RABGAP1L: variants seen among roughly 807,000 people sequenced by gnomAD.
RABGAP1L encodes RAB GTPase activating protein 1 like.
Under a neutral mutation model 137.7 loss-of-function variants are expected in RABGAP1L, and 63 were observed. That is an observed-to-expected ratio of 0.46 (90% CI 0.37 to 0.56). The LOEUF is 0.56. Ranked by LOEUF, RABGAP1L falls within the 20% of genes least tolerant of loss-of-function variation. RABGAP1L has a pLI of 0.00. For missense variants in RABGAP1L, 1,095 were observed against 1,244.0 expected (o/e 0.88, Z 1.80); for synonymous variants, 431 against 433.7 (o/e 0.99, Z 0.08).
Position 174,472,263 on chromosome 1 carries a change from G to C in RABGAP1L, c.1710+78118G>C, listed in dbSNP as rs563024397. 1.1e-4 allele frequency among the ~76,000 whole-genome samples: 16 copies of C among 152,320 alleles called. No individual in the cohort carries two copies. In the South Asian group the frequency reaches 3.3e-3, roughly 32 times the overall value. On this transcript the variant is annotated intron_variant, in intron 13 of 25. Coordinates refer to ENST00000681986, the MANE Select transcript of RABGAP1L (RefSeq NM_001366446.1). ...TGGTAAGGAGTGTGGCATCAGGAAA[G>C]ACAGCAATGAGACAGGTATGGTGGG...
chr1:174,471,574 A>G (rs188806960), intron 13 of RABGAP1L, among the ~76,000 whole-genome samples: 3 of 152,318 alleles, frequency 2.0e-5, no homozygotes, highest in Admixed American at 6.5e-5. Flanking sequence ...AAATAGCTCT[A>G]ATTTTTTCAC....
chr1:174,709,956 A>G (rs1052683827), intron 17 of RABGAP1L, among the ~76,000 whole-genome samples: 4 of 152,254 alleles, frequency 2.6e-5, no homozygotes, highest in Non-Finnish European at 4.4e-5. Flanking sequence ...TAACTAGTTT[A>G]GAGAAGAACA....
chr1:174,571,235 A>G (rs1412206222), intron 13 of RABGAP1L, among the ~76,000 whole-genome samples: 2 of 152,116 alleles, frequency 1.3e-5, no homozygotes, highest in Admixed American at 6.6e-5. Context: ...TTGAACTCAT[A>G]GAGAGAGAAT....
intron 11 of RABGAP1L, among the ~76,000 whole-genome samples, chr1:174,345,345 A>T (rs1558149737): frequency 6.6e-6 from 1 of 152,188 alleles, no homozygotes; most frequent in Non-Finnish European, 1.5e-5. Flanking sequence ...GTATTTTAAA[A>T]GGGATTACAT....
intron 14 of RABGAP1L, among the ~76,000 whole-genome samples, chr1:174,656,137 A>T (rs1675952458): frequency 6.6e-6 from 1 of 152,172 alleles, no homozygotes; most frequent in Admixed American, 6.5e-5. Flanking sequence ...TTAATACATA[A>T]TTCACATAAC....
intron 19 of RABGAP1L, among the ~76,000 whole-genome samples, chr1:174,870,831 A>G (rs1452843006): frequency 1.3e-5 from 2 of 149,490 alleles, no homozygotes; most frequent in South Asian, 4.2e-4. Flanking sequence ...TCCACCTTCC[A>G]GGCTCACGCC....
intron 23 of RABGAP1L, among the ~76,000 whole-genome samples, chr1:174,981,094 A>G (rs1344314880): frequency 6.6e-6 from 1 of 152,162 alleles, no homozygotes; most frequent in Non-Finnish European, 1.5e-5. Context: ...TGGCCACCAA[A>G]TGCAGCACTC....
At chr1:174,947,840 A>T (rs1305991907) in intron 19 of RABGAP1L, among the ~76,000 whole-genome samples, 1 of 152,244 alleles carries the variant, frequency 6.6e-6, no homozygotes, top group Non-Finnish European at 1.5e-5. Flanking sequence ...TCTTATATCC[A>T]AGCTGCTTAT....
intron 13 of RABGAP1L, among the ~76,000 whole-genome samples, chr1:174,632,497 T>A (rs1420287311): frequency 2.0e-5 from 3 of 150,588 alleles, no homozygotes; most frequent in Non-Finnish European, 3.0e-5. Context: ...TTTTCCAACT[T>A]GGTTCCATTC....
At chr1:174,494,951 A>G (rs1660606209) in intron 13 of RABGAP1L, among the ~76,000 whole-genome samples, 1 of 152,188 alleles carries the variant, frequency 6.6e-6, no homozygotes, top group East Asian at 1.9e-4. Flanking sequence ...CTCAGTTTCT[A>G]CAGGGCAGGG....
At chr1:174,611,679 T>A (rs1572503953) in intron 13 of RABGAP1L, among the ~76,000 whole-genome samples, 1 of 151,864 alleles carries the variant, frequency 6.6e-6, no homozygotes, top group South Asian at 2.1e-4. Context: ...TGATTCTTCC[T>A]ACCCATGAGC....
At chr1:174,967,336 T>A (rs1343131636) in intron 20 of RABGAP1L, among the ~76,000 whole-genome samples, 1 of 148,534 alleles carries the variant, frequency 6.7e-6, no homozygotes, top group African/African-American at 2.5e-5. Context: ...GCTAATTTTT[T>A]TTTTTTTTTT....
intron 19 of RABGAP1L, among the ~76,000 whole-genome samples, chr1:174,952,452 A>G (rs569366039): frequency 3.3e-5 from 5 of 150,820 alleles, no homozygotes; most frequent in Non-Finnish European, 7.4e-5. Flanking sequence ...TTGGGGCTGC[A>G]GTGTGCTGTG....
intron 13 of RABGAP1L, among the ~76,000 whole-genome samples, chr1:174,402,163 C>G (rs567496609): frequency 6.6e-6 from 1 of 152,238 alleles, no homozygotes; most frequent in African/African-American, 2.4e-5. Flanking sequence ...GTAAGCCTCA[C>G]AGCTTCTGTA....
At chr1:174,648,229 TTTC>T (rs1675158745) in intron 14 of RABGAP1L, among the ~76,000 whole-genome samples, 1 of 152,140 alleles carries the variant, frequency 6.6e-6, no homozygotes, top group Non-Finnish European at 1.5e-5. Flanking sequence ...ATATTAGTTA[TTTC>T]TTGTCTTCTG....
At position 174,699,733 on chromosome 1, in the gene RABGAP1L, A is replaced by C. The variant is rs573708685; in HGVS notation, c.2025+83A>C. ...CTAATAGAGTTGGTAAGCAATAATG[A>C]ATTATAGAAGTTTAATGGAATATTA... On this transcript the variant is annotated intron_variant, in intron 16 of 25. Coordinates refer to ENST00000681986, the MANE Select transcript of RABGAP1L (RefSeq NM_001366446.1). 1.9e-4 allele frequency: 247 copies of C among 1,324,850 alleles called. 2 individuals are homozygous for C. Among genetic ancestry groups the C allele is most frequent in the Non-Finnish European group, 2.1e-4 (206 of 960,858 alleles). The allele number at this position is 1,324,850 out of a possible 1,614,324, so 82.1% of individuals were successfully genotyped here.
chr1:174,924,385 C>CA (rs10688718), intron 19 of RABGAP1L, among the ~76,000 whole-genome samples: 14,987 of 69,992 alleles, frequency 0.21, 2,390 homozygotes, highest in Non-Finnish European at 0.27. Flanking sequence ...GACTCTGTCT[C>CA]AAAAAAAAAA....
intron 18 of RABGAP1L, among the ~76,000 whole-genome samples, chr1:174,770,732 A>C (rs1686051249): frequency 6.6e-6 from 1 of 152,194 alleles, no homozygotes; most frequent in Non-Finnish European, 1.5e-5. Flanking sequence ...TCTTGTCTTT[A>C]ATGAAGGTCT....
At chr1:174,463,612 GTAAC>G (rs1220644337) in intron 13 of RABGAP1L, among the ~76,000 whole-genome samples, 1 of 151,860 alleles carries the variant, frequency 6.6e-6, no homozygotes, top group African/African-American at 2.4e-5. Context: ...GTATACATAT[GTAAC>G]TAACCTGTAC....
Sources: allele counts gnomAD v4.1 joint callset (sites outside exome capture counted in the v4.1 genomes callset), GRCh38; gene constraint gnomAD v4.1.1; transcripts MANE v1.5; gene names NCBI Gene and HGNC (gene_info 2026-07-23, HGNC 2026-07-21).